The following CADPS2 variants were observed in gnomAD, a reference collection of about 807,000 sequenced individuals.
CADPS2 encodes the protein calcium-dependent secretion activator 2.
CADPS2 carries 93 observed loss-of-function variants against 172.5 expected under a neutral mutation model. The observed-to-expected ratio is 0.54, with a 90% CI of 0.46 to 0.64. CADPS2 has a LOEUF of 0.64. Ranked by LOEUF, CADPS2 falls within the 30% of genes least tolerant of loss-of-function variation. The pLI, the probability that CADPS2 is intolerant of heterozygous loss-of-function variation, is 0.00. For missense variants in CADPS2, 1,420 were observed against 1,565.9 expected (o/e 0.91, Z 1.57); for synonymous variants, 546 against 555.2 (o/e 0.98, Z 0.23).
intron 2 of CADPS2, among the ~76,000 whole-genome samples, chr7:122,663,845 C>T (rs1053529709): frequency 5.3e-5 from 8 of 152,206 alleles, no homozygotes; most frequent in East Asian, 1.9e-4. Flanking sequence ...ACCTCTACAA[C>T]GAAATCCTTT....
chr7:122,880,882 T>C (rs1373870338), intron 1 of CADPS2, among the ~76,000 whole-genome samples: 1 of 152,204 alleles, frequency 6.6e-6, no homozygotes, highest in East Asian at 1.9e-4. Context: ...AATATGCCAT[T>C]TGTCCCACTG....
intron 25 of CADPS2, among the ~76,000 whole-genome samples, chr7:122,373,762 A>C (rs2042032289): frequency 6.6e-6 from 1 of 152,222 alleles, no homozygotes; most frequent in Non-Finnish European, 1.5e-5. Flanking sequence ...CTCAACAAAG[A>C]AATGGCTTCA....
intron 1 of CADPS2, among the ~76,000 whole-genome samples, chr7:122,759,984 T>TA (rs1562952182): frequency 3.4e-5 from 5 of 148,454 alleles, no homozygotes; most frequent in African/African-American, 1.2e-4. Flanking sequence ...TAGGTGTATT[T>TA]TATATATATA....
At chr7:122,367,097 T>C (rs923096179) in intron 25 of CADPS2, among the ~76,000 whole-genome samples, 1 of 152,194 alleles carries the variant, frequency 6.6e-6, no homozygotes, top group Admixed American at 6.5e-5. Flanking sequence ...ACTTGGATTT[T>C]AACAGATGCC....
chr7:122,382,766 A>G (rs1368585931), intron 24 of CADPS2, among the ~76,000 whole-genome samples: 1 of 152,074 alleles, frequency 6.6e-6, no homozygotes, highest in Non-Finnish European at 1.5e-5. Flanking sequence ...GCAGTGAGCT[A>G]TGAATATGCC....
chr7:122,386,461 C>A (rs1413223588), intron 24 of CADPS2, among the ~76,000 whole-genome samples: 3 of 151,810 alleles, frequency 2.0e-5, no homozygotes, highest in African/African-American at 7.3e-5. Flanking sequence ...AATTTTCACC[C>A]AATCACCACT....
chr7:122,538,834 TTTATAACGATGGG>T (rs1563636489), intron 8 of CADPS2, among the ~76,000 whole-genome samples: 1 of 152,006 alleles, frequency 6.6e-6, no homozygotes, highest in African/African-American at 2.4e-5. Context: ...TGGAACACTA[TTTATAACGATGGG>T]AGTTGGAGAC....
chr7:122,530,841 A>G (rs2061693657), intron 8 of CADPS2, among the ~76,000 whole-genome samples: 1 of 152,184 alleles, frequency 6.6e-6, no homozygotes, highest in African/African-American at 2.4e-5. Flanking sequence ...TATACGGAGG[A>G]GATGGTCTTG....
chr7:122,716,052 A>G (rs757654680), intron 2 of CADPS2, among the ~76,000 whole-genome samples: 5 of 152,146 alleles, frequency 3.3e-5, no homozygotes, highest in African/African-American at 4.8e-5. Context: ...GGTGATAAAT[A>G]TGTTACTTAG....
chr7:122,523,639 G>A (rs1175059691), intron 8 of CADPS2, among the ~76,000 whole-genome samples: 1 of 152,060 alleles, frequency 6.6e-6, no homozygotes, highest in Non-Finnish European at 1.5e-5. Context: ...ATTGTGAAAT[G>A]GCTAAATGAA....
chr7:122,798,130 T>C (rs1189928234), intron 1 of CADPS2, among the ~76,000 whole-genome samples: 2 of 152,158 alleles, frequency 1.3e-5, no homozygotes, highest in African/African-American at 4.8e-5. Flanking sequence ...ATAAAACATT[T>C]TAACACCACA....
At chr7:122,761,773 T>C (rs1413377924) in intron 1 of CADPS2, among the ~76,000 whole-genome samples, 2 of 150,434 alleles carry the variant, frequency 1.3e-5, no homozygotes, top group Non-Finnish European at 3.0e-5. Flanking sequence ...GGTGGGCAGA[T>C]CACTTGAGAT....
chr7:122,747,745 A>C (rs564956642), intron 1 of CADPS2, among the ~76,000 whole-genome samples: 75 of 152,252 alleles, frequency 4.9e-4, no homozygotes, highest in African/African-American at 1.7e-3. Context: ...GGCCAATCAC[A>C]TGATTTAATC....
At chr7:122,693,834 T>A (rs985146111) in intron 2 of CADPS2, among the ~76,000 whole-genome samples, 1 of 152,108 alleles carries the variant, frequency 6.6e-6, no homozygotes, top group Non-Finnish European at 1.5e-5. Flanking sequence ...GGCGTGGTGG[T>A]GCACACCTGT....
chr7:122,723,011 C>A lies in CADPS2; in HGVS notation c.453+13944G>T, dbSNP rs1022789225. Among the ~76,000 whole-genome samples the A allele has an allele frequency of 2.6e-5, 4 of 151,992 alleles. No homozygotes were observed. In the South Asian group the frequency reaches 6.2e-4, roughly 24 times the overall value. On this transcript the variant is annotated intron_variant, in intron 2 of 29. Coordinates refer to ENST00000449022, the MANE Select transcript of CADPS2 (RefSeq NM_017954.11). ...GCTGAAACTGGATCCCTTCCTTACA[C>A]CTTATACAAAAATTAATTCAAGATG...
intron 1 of CADPS2, among the ~76,000 whole-genome samples, chr7:122,791,698 A>G (rs1795328473): frequency 6.6e-6 from 1 of 152,190 alleles, no homozygotes; most frequent in Non-Finnish European, 1.5e-5. Flanking sequence ...AAGTTTTTCA[A>G]TTTGAGCTTA....
intron 12 of CADPS2, 41 bp downstream of exon 12, chr7:122,480,811 T>A (rs954308340): frequency 7.1e-7 from 1 of 1,410,998 alleles, no homozygotes; most frequent in Non-Finnish European, 9.6e-7. Flanking sequence ...CATTAAAAAT[T>A]TTTTAAAACA....
At chr7:122,678,921 AAT>A (rs2082669004) in intron 2 of CADPS2, among the ~76,000 whole-genome samples, 1 of 152,136 alleles carries the variant, frequency 6.6e-6, no homozygotes, top group Non-Finnish European at 1.5e-5. Flanking sequence ...TTCCCCAATC[AAT>A]ACTCTTATAA....
intron 15 of CADPS2, among the ~76,000 whole-genome samples, chr7:122,447,452 C>T (rs1319797310): frequency 1.3e-5 from 2 of 151,274 alleles, no homozygotes; most frequent in Non-Finnish European, 2.9e-5. Context: ...ACTGATTGCT[C>T]TCTAAAATCA....
Sources: gnomAD v4.1 joint callset for allele counts (sites outside exome capture counted in the v4.1 genomes callset) on GRCh38, gnomAD v4.1.1 for gene constraint, MANE v1.5 for transcripts, NCBI Gene and HGNC (gene_info 2026-07-23, HGNC 2026-07-21) for gene names.